SEC16A: variants seen among roughly 807,000 people sequenced by gnomAD.
SEC16A encodes the protein protein transport protein Sec16A.
Under a neutral mutation model 221.9 loss-of-function variants are expected in SEC16A, and 110 were observed. That is an observed-to-expected ratio of 0.50 (90% CI 0.42 to 0.58). SEC16A has a LOEUF of 0.58. Among genes scored for constraint, SEC16A ranks in the 20% least tolerant of loss-of-function variants. The probability of loss-of-function intolerance (pLI) is 0.00; values close to 1 mark genes in which losing one functional copy is unlikely to be tolerated. For synonymous variants in SEC16A, 1,393 were observed against 1,257.7 expected (o/e 1.11, Z -2.28); for missense variants, 3,165 against 3,097.8 (o/e 1.02, Z -0.52).
chr9:136,442,468 G>A (rs1048421496), intron 31 of SEC16A, among the ~76,000 whole-genome samples: 1 of 152,248 alleles, frequency 6.6e-6, no homozygotes, highest in Admixed American at 6.5e-5. Context: ...AGGCTGTGAG[G>A]GCAGGCTGGG....
intron 13 of SEC16A, among the ~76,000 whole-genome samples, 165 bp downstream of exon 13, chr9:136,461,012 C>G (rs116848780): frequency 3.7e-3 from 568 of 152,374 alleles, no homozygotes; most frequent in Non-Finnish European, 5.6e-3. Flanking sequence ...AAGCTCTCCA[C>G]AACACGACCC....
intron 18 of SEC16A, among the ~76,000 whole-genome samples, chr9:136,457,076 G>T (rs937448793): frequency 1.3e-5 from 2 of 152,214 alleles, no homozygotes; most frequent in African/African-American, 2.4e-5. Context: ...GGGAGGCTGA[G>T]GCAGGAGCAT....
rs763046623 is a variant in SEC16A at position 136,448,153 on chromosome 9, G to A, written c.6321C>T (p.Ser2107=). ...TTCCAGGTAGCCAACGAAAGAACCA[G>A]GATTCACCCTAAATATAAAAAACAC... is the stretch of plus-strand genomic sequence containing the variant. The part of the protein sequence containing the change: ...KETKEPKKGE[S]WFFRWLPGKK... The change falls in exon 24 of 32, where the codon TCC becomes TCT. Residue 2107 remains serine, a synonymous_variant. Transcript: ENST00000684901. The A allele has an allele frequency of 1.9e-5, 31 of 1,613,026 alleles. No homozygotes were observed. In the Admixed American group the frequency reaches 5.2e-4, roughly 27 times the overall value.
rs376784867 is a variant in SEC16A at position 136,451,360 on chromosome 9, G to A, written c.6208C>T (p.Arg2070Cys). 209 of 1,613,202 alleles carry A rather than the reference G, an allele frequency of 1.3e-4. No homozygotes were observed. The highest frequency in any genetic ancestry group is 1.7e-4 in the Non-Finnish European group (198 of 1,179,680). ...PDSEAPPGWD[R>C]ADSGPTQPPL... ...GGCTGCGTGGGACCCGAGTCGGCAC[G>A]ATCCCACCCTGGGGGGGCCTCCGAG... The change falls in exon 23 of 32, where the codon CGT becomes TGT. Residue 2070 changes from arginine to cysteine, a missense_variant. This residue lies in a region of SEC16A where 1,088 missense variants were observed against 1,089.6 expected (regional missense o/e 1.00). Coordinates refer to ENST00000684901, the MANE Select transcript of SEC16A (RefSeq NM_014866.2).
chr9:136,464,276 C>A (rs546561566), intron 9 of SEC16A, 144 bp downstream of exon 9: 3 of 805,004 alleles, frequency 3.7e-6, no homozygotes, highest in Middle Eastern at 3.9e-4. Flanking sequence ...AAAAACCCTA[C>A]AAATTGAAAA....
Position 136,475,117 on chromosome 9 carries a change from A to C in SEC16A, c.2499T>G (p.Pro833=). The C allele has an allele frequency of 6.2e-7, 1 of 1,613,906 alleles. No individual in the cohort carries two copies. Among genetic ancestry groups the C allele is most frequent in the Non-Finnish European group, 8.5e-7 (1 of 1,179,836 alleles). Residue 833 remains proline, a synonymous_variant, in exon 3 of 32, where the codon CCT becomes CCG. Coordinates refer to ENST00000684901, the MANE Select transcript of SEC16A (RefSeq NM_014866.2). This position sits in a 1 kb window ranked among gnomAD's most constrained non-coding sequence, Gnocchi z 5.0. ...LQNPPVLIAQ[P]DHSYNLAQPI... ...GCTGAGCCAGATTATAGCTGTGATCAGGCTGAGCAATCAAGACTGGAGGAT... is the reference window on the plus strand; with the variant it reads ...GCTGAGCCAGATTATAGCTGTGATCCGGCTGAGCAATCAAGACTGGAGGAT...
chr9:136,459,334 C>T lies in SEC16A; in HGVS notation c.5304-95G>A, dbSNP rs577921843. 3.5e-6 allele frequency: 5 copies of T among 1,409,758 alleles called. No individual in the cohort carries two copies. The highest frequency in any genetic ancestry group is 1.4e-5 in the African/African-American group (1 of 70,700). 87.3% of individuals were successfully genotyped at this position (1,409,758 alleles called of 1,614,324 possible). A position where few individuals can be genotyped will look rare whatever the true frequency, so the allele number is the denominator to read the frequency against. On this transcript the variant is annotated intron_variant, in intron 16 of 31. Coordinates refer to ENST00000684901, the MANE Select transcript of SEC16A (RefSeq NM_014866.2). The surrounding 1 kb of genome is among the most constrained non-coding windows in gnomAD (Gnocchi z 6.1). Reference sequence around the variant, plus strand: ...AATCATCCAGAAGTGTGTCCCACCACGTGACAAATAAAGACATGATTCTGG... The same window carrying T: ...AATCATCCAGAAGTGTGTCCCACCATGTGACAAATAAAGACATGATTCTGG...
chr9:136,463,398 G>T, intron 11 of SEC16A, 65 bp downstream of exon 11: 1 of 1,577,784 alleles, frequency 6.3e-7, no homozygotes, highest in Non-Finnish European at 8.6e-7. Flanking sequence ...TCGGGAGGCT[G>T]AGCATTCCCA....
At chr9:136,453,109 G>T (rs1588901438) in intron 22 of SEC16A, among the ~76,000 whole-genome samples, 1 of 150,746 alleles carries the variant, frequency 6.6e-6, no homozygotes, top group African/African-American at 2.4e-5. Context: ...AAGAGATGTA[G>T]AAATCAGAGA....
At position 136,443,996 on chromosome 9, in the gene SEC16A, CA is replaced by C. The variant is rs554909675; in HGVS notation, c.6928-97del. 188 of 779,292 alleles carry C rather than the reference CA, an allele frequency of 2.4e-4. 1 individual carries two copies. Among genetic ancestry groups the C allele is most frequent in the African/African-American group, 1.6e-3 (91 of 56,762 alleles). The allele number at this position is 779,292 out of a possible 1,614,324, so 48.3% of individuals were successfully genotyped here. On this transcript the variant is annotated intron_variant, in intron 30 of 31. Transcript: ENST00000684901. ...AGACACCGCTTCTGGGTGGGATTTACAGTACTTTTACATAAGCTACAGAAGC... is the reference window on the plus strand; with the variant it reads ...AGACACCGCTTCTGGGTGGGATTTACGTACTTTTACATAAGCTACAGAAGC...
Position 136,447,032 on chromosome 9 carries a change from G to C in SEC16A, c.6698-83C>G. On this transcript the variant is annotated intron_variant, in intron 27 of 31. Coordinates refer to ENST00000684901, the MANE Select transcript of SEC16A (RefSeq NM_014866.2). This position sits in a 1 kb window ranked among gnomAD's most constrained non-coding sequence, Gnocchi z 5.5. ...CTGAAGACACTCCGAGAGGAAGAGAGTTTCACACTGCACACGCGGCACACT... is the reference window on the plus strand; with the variant it reads ...CTGAAGACACTCCGAGAGGAAGAGACTTTCACACTGCACACGCGGCACACT... 1 of 1,602,170 alleles carries C rather than the reference G, an allele frequency of 6.2e-7. No individual in the cohort carries two copies. The highest frequency in any genetic ancestry group is 8.5e-7 in the Non-Finnish European group (1 of 1,175,338).
At chr9:136,446,973 C>G (rs760745529) in intron 27 of SEC16A, 24 bp from the exon 28 acceptor site, 1 of 1,613,228 alleles carries the variant, frequency 6.2e-7, no homozygotes, top group South Asian at 1.1e-5. Context: ...AGCGAGGAGG[C>G]CATCATTCCG....
chr9:136,455,974 C>T, intron 19 of SEC16A, 79 bp downstream of exon 19: 1 of 1,288,548 alleles, frequency 7.8e-7, no homozygotes, highest in South Asian at 1.3e-5. Context: ...TTTACAGATA[C>T]ATACTTTCAG....
At chr9:136,469,739 G>A (rs987919420) in intron 4 of SEC16A, among the ~76,000 whole-genome samples, 1 of 152,168 alleles carries the variant, frequency 6.6e-6, no homozygotes, top group African/African-American at 2.4e-5. Context: ...CCCTTCCCAC[G>A]CCCCTTCAGG....
At chr9:136,465,376 G>A (rs12346977) in intron 8 of SEC16A, among the ~76,000 whole-genome samples, 6,938 of 151,318 alleles carry the variant, frequency 0.046, 244 homozygotes, top group African/African-American at 0.095. Context: ...GTTTGAACCC[G>A]AGATGCAGAA....
intron 22 of SEC16A, among the ~76,000 whole-genome samples, chr9:136,452,859 T>G (rs1588900213): frequency 7.1e-6 from 1 of 140,682 alleles, no homozygotes; most frequent in Non-Finnish European, 1.5e-5. Context: ...GATCATGAGG[T>G]CAGGAGTTTA....
chr9:136,445,784 CA>C, intron 28 of SEC16A, 65 bp from the exon 29 acceptor site: 9 of 1,371,500 alleles, frequency 6.6e-6, no homozygotes, highest in Middle Eastern at 1.8e-4. Flanking sequence ...CACACCAGGC[CA>C]AAAAATATGA....
chr9:136,444,874 C>T (rs1386227202), intron 30 of SEC16A, among the ~76,000 whole-genome samples, 178 bp downstream of exon 30: 3 of 135,920 alleles, frequency 2.2e-5, no homozygotes, highest in Non-Finnish European at 4.6e-5. Flanking sequence ...AGCGAAACTC[C>T]GTCTCAAAAA....
rs542602809 is a variant in SEC16A, at chr9:136,455,619, C to A, written c.5839G>T (p.Val1947Leu). 8.9e-6 allele frequency: 14 copies of A among 1,574,678 alleles called. No individual in the cohort carries two copies. In the East Asian group the frequency reaches 2.6e-4, roughly 29 times the overall value. The change falls in exon 20 of 32, where the codon GTG becomes TTG. Residue 1947 changes from valine (V) to leucine (L), a missense_variant. By Grantham distance (32) the Val-to-Leu change is conservative. Transcript: ENST00000684901. ...GGCTCACCTGAGGGCAGCAGCCGCA[C>A]GCTCGGGCTCGAGTGCTCAGGGCTC... ...APSPEHSSPS[V>L]RLLPSAPQTL...
Sources: allele counts gnomAD v4.1 joint callset (sites outside exome capture counted in the v4.1 genomes callset), GRCh38; gene constraint gnomAD v4.1.1; regional missense constraint gnomAD v4.1.1; non-coding constraint Gnocchi (gnomAD v3.1); transcripts MANE v1.5; gene names NCBI Gene and HGNC (gene_info 2026-07-23, HGNC 2026-07-21).